CDH12: variants seen among roughly 807,000 people sequenced by gnomAD.
CDH12 encodes cadherin 12, also known as cadherin-12.
In CDH12, 41 loss-of-function variants were observed where a neutral mutation model predicts 74.1. That is an observed-to-expected ratio of 0.55 (90% confidence interval 0.43 to 0.72). The LOEUF is 0.72. Ranked by LOEUF, CDH12 falls within the 30% of genes least tolerant of loss-of-function variation. CDH12 has a pLI of 0.00. For synonymous variants in CDH12, 399 were observed against 355.0 expected (o/e 1.12, Z -1.39); for missense variants, 945 against 977.2 (o/e 0.97, Z 0.44).
chr5:22,477,419 A>G, intron 2 of CDH12, among the ~76,000 whole-genome samples: 1 of 151,724 alleles, frequency 6.6e-6, no homozygotes, highest in Admixed American at 6.6e-5. Flanking sequence ...ATATGATCTC[A>G]TTTTCTTTTA....
chr5:22,327,662 T>TTAC (rs1739178706), intron 3 of CDH12, among the ~76,000 whole-genome samples: 1 of 152,190 alleles, frequency 6.6e-6, no homozygotes, highest in Non-Finnish European at 1.5e-5. Flanking sequence ...CTTTTACCTC[T>TTAC]TACTACTCCA....
intron 1 of CDH12, among the ~76,000 whole-genome samples, chr5:22,807,418 C>T (rs1013014062): frequency 1.3e-5 from 2 of 152,044 alleles, no homozygotes; most frequent in African/African-American, 4.8e-5. Flanking sequence ...ATATATAAGA[C>T]ATAATAATAG....
At chr5:22,510,467 G>T (rs193223309) in intron 1 of CDH12, among the ~76,000 whole-genome samples, 26 of 152,196 alleles carry the variant, frequency 1.7e-4, no homozygotes, top group Admixed American at 1.5e-3. Flanking sequence ...GAAAAGAACA[G>T]ACTTTTAAAT....
At chr5:22,449,835 G>C (rs1335121814) in intron 2 of CDH12, among the ~76,000 whole-genome samples, 2 of 151,974 alleles carry the variant, frequency 1.3e-5, no homozygotes, top group Non-Finnish European at 2.9e-5. Flanking sequence ...TCATACTGGA[G>C]AAGAGGTAAT....
intron 1 of CDH12, among the ~76,000 whole-genome samples, chr5:22,578,041 G>T (rs936147347): frequency 6.6e-6 from 1 of 152,124 alleles, no homozygotes; most frequent in Non-Finnish European, 1.5e-5. Flanking sequence ...ATGAAAATAT[G>T]TTGTTTGGCC....
intron 1 of CDH12, among the ~76,000 whole-genome samples, chr5:22,687,292 A>T (rs1316257880): frequency 1.3e-5 from 2 of 148,626 alleles, no homozygotes; most frequent in Non-Finnish European, 3.0e-5. Flanking sequence ...AACTCCGTCT[A>T]AAAAAAAAAG....
Position 22,558,471 on chromosome 5 carries a change from T to C in CDH12, c.-522-53107A>G, listed in dbSNP as rs1272543227. ...TTCTTCTAGAAGACTCCTAACAATA[T>C]GACCAACTCCTTATCTGCCATACGC... On this transcript the variant is annotated intron_variant, in intron 1 of 14. Transcript: ENST00000382254. 2.6e-5 allele frequency among the ~76,000 whole-genome samples: 4 copies of C among 152,238 alleles called. No individual in the cohort carries two copies. The East Asian group carries it at 7.7e-4, about 29-fold the overall frequency.
chr5:22,465,395 A>G, intron 2 of CDH12, among the ~76,000 whole-genome samples: 1 of 152,178 alleles, frequency 6.6e-6, no homozygotes. Context: ...CTGTAATCCC[A>G]GTACTTTGTG....
At chr5:21,763,297 A>G (rs1393977931) in intron 12 of CDH12, among the ~76,000 whole-genome samples, 1 of 152,184 alleles carries the variant, frequency 6.6e-6, no homozygotes, top group Non-Finnish European at 1.5e-5. Flanking sequence ...CCACAAATTG[A>G]GCACTTGAAA....
intron 3 of CDH12, among the ~76,000 whole-genome samples, chr5:22,357,939 A>G (rs2150470529): frequency 6.6e-6 from 1 of 152,286 alleles, no homozygotes; most frequent in East Asian, 1.9e-4. Context: ...ATTCATGAGC[A>G]TTTCTGTTTG....
chr5:22,839,893 T>TTTA (rs746540089), intron 1 of CDH12, among the ~76,000 whole-genome samples: 4 of 152,154 alleles, frequency 2.6e-5, no homozygotes, highest in Non-Finnish European at 5.9e-5. Flanking sequence ...TTACCTCTAA[T>TTTA]TTATCCTCTA....
At chr5:22,839,436 G>A (rs566976920) in intron 1 of CDH12, among the ~76,000 whole-genome samples, 1 of 145,292 alleles carries the variant, frequency 6.9e-6, no homozygotes, top group African/African-American at 2.6e-5. Context: ...TCGGCTCACT[G>A]CAACCTCTGC....
chr5:22,578,733 T>G (rs1739921794), intron 1 of CDH12, among the ~76,000 whole-genome samples: 1 of 152,074 alleles, frequency 6.6e-6, no homozygotes, highest in Admixed American at 6.6e-5. Context: ...TTCTTCATCT[T>G]TTTTTGGTGG....
intron 4 of CDH12, among the ~76,000 whole-genome samples, chr5:22,189,455 A>G (rs1405875541): frequency 2.0e-5 from 3 of 152,146 alleles, no homozygotes; most frequent in Non-Finnish European, 2.9e-5. Flanking sequence ...GCATATAAAT[A>G]TATCAGATGC....
chr5:21,770,239 C>T (rs550375532), intron 11 of CDH12, among the ~76,000 whole-genome samples: 104 of 152,278 alleles, frequency 6.8e-4, no homozygotes, highest in African/African-American at 2.5e-3. Flanking sequence ...TGGTAAAGTA[C>T]TAATGAACAC....
chr5:22,768,141 A>G (rs1356760168), intron 1 of CDH12, among the ~76,000 whole-genome samples: 1 of 152,048 alleles, frequency 6.6e-6, no homozygotes, highest in African/African-American at 2.4e-5. Context: ...CACTACAGCT[A>G]CTTAATCTCA....
intron 6 of CDH12, among the ~76,000 whole-genome samples, chr5:21,891,136 C>T (rs907973054): frequency 3.9e-5 from 6 of 152,052 alleles, no homozygotes; most frequent in Non-Finnish European, 7.4e-5. Context: ...ATCCTAATTG[C>T]AATTTATAGT....
chr5:22,276,384 G>A (rs767705337), intron 3 of CDH12, among the ~76,000 whole-genome samples: 5 of 152,140 alleles, frequency 3.3e-5, no homozygotes, highest in Non-Finnish European at 5.9e-5. Flanking sequence ...CATAAGATAC[G>A]TGTTTCAAGC....
chr5:21,787,196 A>G (rs1434223023), intron 10 of CDH12, among the ~76,000 whole-genome samples: 2 of 152,218 alleles, frequency 1.3e-5, no homozygotes, highest in African/African-American at 4.8e-5. Flanking sequence ...AAATGCTACA[A>G]AACAGCATCA....
Sources: gnomAD v4.1 joint callset for allele counts (sites outside exome capture counted in the v4.1 genomes callset) on GRCh38, gnomAD v4.1.1 for gene constraint, MANE v1.5 for transcripts, NCBI Gene and HGNC (gene_info 2026-07-23, HGNC 2026-07-21) for gene names.